The following HNRNPR variants were observed in gnomAD, a reference collection of about 807,000 sequenced individuals.
The protein encoded by HNRNPR is heterogeneous nuclear ribonucleoprotein R.
A neutral mutation model predicts 70.3 loss-of-function variants in HNRNPR; 4 were observed. The observed-to-expected ratio is 0.06, with a 90% CI of 0.03 to 0.13. The LOEUF (loss-of-function observed/expected upper bound fraction) is 0.13. HNRNPR is among the 10% of genes least tolerant of loss of function. HNRNPR has a pLI of 1.00. For missense variants in HNRNPR, 423 were observed against 788.5 expected (o/e 0.54, Z 5.55); for synonymous variants, 241 against 267.6 (o/e 0.90, Z 0.97).
chr1:23,343,997 G>A (rs1291039164), intron 1 of HNRNPR, among the ~76,000 whole-genome samples: 1 of 152,164 alleles, frequency 6.6e-6, no homozygotes, highest in Non-Finnish European at 1.5e-5. Flanking sequence ...GGCTAAAGGG[G>A]CGGGGGGAGG....
rs1645326239 is a variant in HNRNPR, at chr1:23,311,216, G to A, written c.1274C>T (p.Ala425Val). ...KRKERQAARQ[A>V]SRSTAYEDYY... The stretch of plus-strand genomic sequence containing the variant: ...GTAGACTCACGCAGTGCTTCTGGAG[G>A]CCTGTCTAGCAGCTTGGCGCTCTTT... Residue 425 changes from alanine to valine, a missense_variant, in exon 10 of 11, where the codon GCC becomes GTC. Ala to Val is a moderately conservative substitution (Grantham distance 64, BLOSUM62 0). This residue lies in a region of HNRNPR where 169 missense variants were observed against 195.6 expected (regional missense o/e 0.86). Transcript: ENST00000302271. 1.2e-5 allele frequency: 19 copies of A among 1,613,674 alleles called. No homozygotes were observed. Among genetic ancestry groups the A allele is most frequent in the Non-Finnish European group, 1.6e-5 (19 of 1,180,002 alleles).
At chr1:23,330,568 C>T (rs1267858611) in intron 5 of HNRNPR, among the ~76,000 whole-genome samples, 1 of 152,016 alleles carries the variant, frequency 6.6e-6, no homozygotes, top group Non-Finnish European at 1.5e-5. Context: ...ACTTGCTTCC[C>T]AAAGCAGCTT....
At chr1:23,341,791 C>T (rs1490628219) in intron 1 of HNRNPR, among the ~76,000 whole-genome samples, 3 of 152,084 alleles carry the variant, frequency 2.0e-5, no homozygotes, top group Non-Finnish European at 4.4e-5. Context: ...GAAGAATGGA[C>T]AACTTCTTCC....
At chr1:23,330,193 T>C (rs1432132336) in intron 5 of HNRNPR, among the ~76,000 whole-genome samples, 1 of 152,160 alleles carries the variant, frequency 6.6e-6, no homozygotes, top group Admixed American at 6.5e-5. Context: ...GAATTTATTA[T>C]ACACAGTCAT....
chr1:23,314,507 C>T (rs907553435), intron 8 of HNRNPR, among the ~76,000 whole-genome samples: 4 of 152,084 alleles, frequency 2.6e-5, no homozygotes, highest in Non-Finnish European at 5.9e-5. Flanking sequence ...TAACAAAAAG[C>T]TCAACAACTG....
At chr1:23,331,079 T>C (rs1480416230) in intron 5 of HNRNPR, among the ~76,000 whole-genome samples, 3 of 152,156 alleles carry the variant, frequency 2.0e-5, no homozygotes, top group Admixed American at 6.6e-5. Flanking sequence ...CTGAAAGTGA[T>C]TGCTTGACAG....
At chr1:23,312,111 C>G (rs993605592) in intron 9 of HNRNPR, among the ~76,000 whole-genome samples, 1 of 152,110 alleles carries the variant, frequency 6.6e-6, no homozygotes, top group Non-Finnish European at 1.5e-5. Flanking sequence ...TATACCTTTC[C>G]CCACTCTGGG....
At chr1:23,323,826 A>C in intron 5 of HNRNPR, 94 bp from the exon 6 acceptor site, 1 of 943,606 alleles carries the variant, frequency 1.1e-6, no homozygotes, top group Non-Finnish European at 1.7e-6. Flanking sequence ...TGGGGGCAGA[A>C]GAAGATGGTT....
chr1:23,324,936 C>T (rs992844286), intron 5 of HNRNPR, among the ~76,000 whole-genome samples: 7 of 151,660 alleles, frequency 4.6e-5, no homozygotes, highest in Admixed American at 2.0e-4. Context: ...GTCAGGAGAC[C>T]GAGACCATCC....
In HNRNPR at chr1:23,313,586, A is replaced by G. The variant is rs372162584; in HGVS notation, c.1134T>C (p.Phe378=). 6 of 1,580,512 alleles carry G rather than the reference A, an allele frequency of 3.8e-6. No individual in the cohort carries two copies. The highest frequency in any genetic ancestry group is 3.4e-6 in the Non-Finnish European group (4 of 1,171,084). The stretch of plus-strand genomic sequence containing the variant: ...CTGCTCCTCTGTCTTCAAAATGAAC[A>G]AATGCATAATCTTTCAACTTCTTTA... The part of the protein sequence containing the change: ...ERVKKLKDYA[F]VHFEDRGAAV... Residue 378 remains phenylalanine, a synonymous_variant, in exon 9 of 11, where the codon TTT becomes TTC. Coordinates refer to ENST00000302271, the MANE Select transcript of HNRNPR (RefSeq NM_005826.5).
intron 6 of HNRNPR, 64 bp from the exon 7 acceptor site, chr1:23,321,727 C>G (rs1557860465): frequency 1.3e-6 from 2 of 1,507,140 alleles, no homozygotes. Context: ...TGATCTTAAT[C>G]TAAAAAATTC....
chr1:23,313,839 A>C (rs1354524948), intron 8 of HNRNPR, 137 bp from the exon 9 acceptor site: 2 of 961,256 alleles, frequency 2.1e-6, no homozygotes, highest in Non-Finnish European at 3.0e-6. Flanking sequence ...TAGTAAGAGA[A>C]ATTGCTAGGA....
At position 23,310,414 on chromosome 1, in the gene HNRNPR, A is replaced by T; in HGVS notation, c.*40T>A. 1 of 1,517,856 alleles carries T rather than the reference A, an allele frequency of 6.6e-7. No individual in the cohort carries two copies. The highest frequency in any genetic ancestry group is 8.8e-7 in the Non-Finnish European group (1 of 1,135,280). The allele number at this position is 1,517,856 out of a possible 1,614,324, so 94.0% of individuals were successfully genotyped here. A position where few individuals can be genotyped will look rare whatever the true frequency, so the allele number is the denominator to read the frequency against. On this transcript the variant is annotated 3_prime_UTR_variant, in exon 11 of 11. Coordinates refer to ENST00000302271, the MANE Select transcript of HNRNPR (RefSeq NM_005826.5). This position sits in a 1 kb window ranked among gnomAD's most constrained non-coding sequence, Gnocchi z 6.0. ...TTTTGAAGAATGTAGATCTAGAGCC[A>T]ATCGTATCTTGCCAGTATCATTTTC... is the stretch of plus-strand genomic sequence containing the variant.
At chr1:23,323,982 T>C (rs1645858964) in intron 5 of HNRNPR, among the ~76,000 whole-genome samples, 1 of 152,038 alleles carries the variant, frequency 6.6e-6, no homozygotes, top group Non-Finnish European at 1.5e-5. Flanking sequence ...TTACTCTAAA[T>C]TTTAAATTTT....
chr1:23,326,443 G>T (rs575056767), intron 5 of HNRNPR, among the ~76,000 whole-genome samples: 1 of 152,012 alleles, frequency 6.6e-6, no homozygotes, highest in Admixed American at 6.6e-5. Context: ...CCTCTAACTC[G>T]AGCTGTATAC....
intron 5 of HNRNPR, among the ~76,000 whole-genome samples, chr1:23,328,052 T>C (rs1027201424): frequency 1.3e-5 from 2 of 149,084 alleles, no homozygotes; most frequent in Non-Finnish European, 3.0e-5. Context: ...GCATTCCAAG[T>C]TGATGGAACA....
chr1:23,338,544 T>C lies in HNRNPR; in HGVS notation c.222A>G (p.Glu74=). ...ACTGCTGTAGTACAGACAGAGCTCC[T>C]TCTTCATTAAATTCCCTGAGAGCAT... ...AIDALREFNE[E]GALSVLQQFK... Residue 74 remains glutamate, a synonymous_variant, in exon 3 of 11, where the codon GAA becomes GAG. Coordinates refer to ENST00000302271, the MANE Select transcript of HNRNPR (RefSeq NM_005826.5). The C allele has an allele frequency of 6.2e-7, 1 of 1,601,578 alleles. No homozygotes were observed. Among genetic ancestry groups the C allele is most frequent in the South Asian group, 1.1e-5 (1 of 89,232 alleles).
At chr1:23,336,392 T>C (rs1381433462) in intron 4 of HNRNPR, among the ~76,000 whole-genome samples, 1 of 150,862 alleles carries the variant, frequency 6.6e-6, no homozygotes, top group South Asian at 2.1e-4. Flanking sequence ...AGTGAAACCC[T>C]GTCTCTACTA....
intron 9 of HNRNPR, chr1:23,311,961 T>C (rs1645352782): frequency 6.6e-6 from 1 of 152,298 alleles, no homozygotes; most frequent in Non-Finnish European, 1.5e-5. Flanking sequence ...AGCAATTATG[T>C]AGAAAGCAGT....
Sources: gnomAD v4.1 joint callset for allele counts (sites outside exome capture counted in the v4.1 genomes callset) on GRCh38, gnomAD v4.1.1 for gene constraint, gnomAD v4.1.1 regional missense constraint, Gnocchi (gnomAD v3.1) non-coding constraint, MANE v1.5 for transcripts, NCBI Gene and HGNC (gene_info 2026-07-23, HGNC 2026-07-21) for gene names.